The following FGL1 variants were observed in gnomAD, a reference collection of about 807,000 sequenced individuals.
FGL1 encodes fibrinogen-like protein 1.
In FGL1, 59 loss-of-function variants were observed where a neutral mutation model predicts 43.7. The observed-to-expected ratio is 1.35, with a 90% confidence interval of 1.10 to 1.68. FGL1 has a LOEUF of 1.68. Among genes scored for constraint, FGL1 ranks in the 40% most tolerant of loss-of-function variants. The pLI is 0.00. For synonymous variants in FGL1, 192 were observed against 126.5 expected (o/e 1.52, Z -3.48); for missense variants, 596 against 373.0 (o/e 1.60, Z -4.92).
At chr8:17,876,960 C>G (rs753704152) in intron 3 of FGL1, among the ~76,000 whole-genome samples, 1 of 152,162 alleles carries the variant, frequency 6.6e-6, no homozygotes, top group Non-Finnish European at 1.5e-5. Flanking sequence ...CTGAAATAAA[C>G]AGTAACACAA....
chr8:17,872,112 G>A (rs1438112487), intron 5 of FGL1, among the ~76,000 whole-genome samples: 1 of 151,988 alleles, frequency 6.6e-6, no homozygotes, highest in Admixed American at 6.6e-5. Context: ...TAAATTTAGA[G>A]AGCACTGATC....
intron 7 of FGL1, among the ~76,000 whole-genome samples, chr8:17,864,964 A>C (rs1272838947): frequency 6.6e-6 from 1 of 151,658 alleles, no homozygotes; most frequent in Non-Finnish European, 1.5e-5. Flanking sequence ...TTTTTTTTTA[A>C]TAATAGAGAC....
At chr8:17,887,607 C>T (rs1585149636) in intron 1 of FGL1, among the ~76,000 whole-genome samples, 3 of 151,976 alleles carry the variant, frequency 2.0e-5, no homozygotes, top group South Asian at 2.1e-4. Flanking sequence ...CCCAGCACTT[C>T]GAGAGGCCGA....
intron 3 of FGL1, among the ~76,000 whole-genome samples, 170 bp downstream of exon 3, chr8:17,881,829 G>A (rs35006555): frequency 0.011 from 1,446 of 125,746 alleles, 25 homozygotes; most frequent in African/African-American, 0.051. Flanking sequence ...GCAAGACTCC[G>A]CCTCAAAAAA....
intron 1 of FGL1, among the ~76,000 whole-genome samples, chr8:17,892,636 A>T (rs1202774263): frequency 6.6e-6 from 1 of 152,194 alleles, no homozygotes; most frequent in Admixed American, 6.5e-5. Flanking sequence ...TAGATTACTG[A>T]TTAGGATTTT....
intron 3 of FGL1, among the ~76,000 whole-genome samples, chr8:17,877,892 G>T (rs1272109735): frequency 6.6e-6 from 1 of 152,128 alleles, no homozygotes; most frequent in South Asian, 2.1e-4. Context: ...CTATAATAAT[G>T]TCCATAGATA....
chr8:17,881,921 C>A, intron 3 of FGL1, 78 bp downstream of exon 3: 2 of 1,202,386 alleles, frequency 1.7e-6, no homozygotes, highest in Non-Finnish European at 2.3e-6. Flanking sequence ...TAGGAAAAGC[C>A]TGAAATAACT....
intron 3 of FGL1, among the ~76,000 whole-genome samples, chr8:17,880,703 T>C (rs370238111): frequency 3.9e-5 from 6 of 152,214 alleles, no homozygotes; most frequent in African/African-American, 7.2e-5. Context: ...AGCATGGTAG[T>C]GCTAGAATAG....
At chr8:17,882,233 G>C in intron 2 of FGL1, 54 bp from the exon 3 acceptor site, 2 of 1,474,036 alleles carry the variant, frequency 1.4e-6, no homozygotes, top group East Asian at 2.4e-5. Context: ...TGGAAAACAA[G>C]TGCTTTTTAA....
intron 7 of FGL1, among the ~76,000 whole-genome samples, chr8:17,867,825 T>C (rs867330567): frequency 3.9e-5 from 6 of 152,306 alleles, no homozygotes; most frequent in African/African-American, 7.2e-5. Flanking sequence ...CGCCCAACAC[T>C]TTGGGAGGCC....
intron 2 of FGL1, among the ~76,000 whole-genome samples, chr8:17,884,825 T>C (rs2053603929): frequency 6.6e-6 from 1 of 152,274 alleles, no homozygotes; most frequent in East Asian, 1.9e-4. Flanking sequence ...AATGAATGTT[T>C]TGTCTTTTTT....
intron 3 of FGL1, among the ~76,000 whole-genome samples, chr8:17,876,112 A>G (rs1016775234): frequency 7.2e-5 from 11 of 152,210 alleles, no homozygotes; most frequent in Admixed American, 2.0e-4. Flanking sequence ...CAAACATTTG[A>G]ATAAAAATAC....
At position 17,874,602 on chromosome 8, in the gene FGL1, C is replaced by T. The variant is rs1164166568; in HGVS notation, c.245-81G>A. Reference sequence around the variant, plus strand: ...CTTAGGGAGCCTCTGAATGAGACTACTCAGTATCACTGGAGACAGATAACA... The same window carrying T: ...CTTAGGGAGCCTCTGAATGAGACTATTCAGTATCACTGGAGACAGATAACA... On this transcript the variant is annotated intron_variant, in intron 3 of 7. Coordinates refer to ENST00000427924, the MANE Select transcript of FGL1 (RefSeq NM_004467.4). 7 of 1,042,614 alleles carry T rather than the reference C, an allele frequency of 6.7e-6. No homozygotes were observed. In the East Asian group the frequency reaches 9.7e-5, roughly 14 times the overall value. The allele number at this position is 1,042,614 out of a possible 1,614,324, so 64.6% of individuals were successfully genotyped here. A position where few individuals can be genotyped will look rare whatever the true frequency, so the allele number is the denominator to read the frequency against.
intron 2 of FGL1, 48 bp downstream of exon 2, chr8:17,885,444 T>G (rs2073563): frequency 0.05 from 72,463 of 1,460,856 alleles, 4,176 homozygotes; most frequent in African/African-American, 0.26. Context: ...AAAATTCAGA[T>G]AAAAGCAGGC....
At chr8:17,876,414 A>C (rs1563453068) in intron 3 of FGL1, among the ~76,000 whole-genome samples, 1 of 152,108 alleles carries the variant, frequency 6.6e-6, no homozygotes, top group Non-Finnish European at 1.5e-5. Context: ...GTTGGGACCA[A>C]CCATATACTC....
At chr8:17,889,671 A>T (rs540421997) in intron 1 of FGL1, among the ~76,000 whole-genome samples, 2 of 152,230 alleles carry the variant, frequency 1.3e-5, no homozygotes, top group African/African-American at 2.4e-5. Context: ...CTCCAGGACC[A>T]TTCAGCCTCT....
chr8:17,893,296 T>C (rs992181158), intron 1 of FGL1, among the ~76,000 whole-genome samples: 1 of 152,022 alleles, frequency 6.6e-6, no homozygotes, highest in Admixed American at 6.6e-5. Context: ...CTTGCATAAA[T>C]GGAAGTATGT....
Position 17,886,781 on chromosome 8 carries a change from A to AGAGAGGAGAGGAGAG in FGL1, c.-17-1225_-17-1211dup, listed in dbSNP as rs61063668. ...TAGAAAGAAACGAAATGAGAGGAGA[A>AGAGAGGAGAGGAGAG]GAGAGGAGAGGAGAGGAGAGGAGAG... On this transcript the variant is annotated intron_variant, in intron 1 of 7. Transcript: ENST00000427924. 4.0e-5 allele frequency among the ~76,000 whole-genome samples: 6 copies of AGAGAGGAGAGGAGAG among 150,296 alleles called. No individual in the cohort carries two copies. In the East Asian group the frequency reaches 8.0e-4, roughly 20 times the overall value.
intron 3 of FGL1, among the ~76,000 whole-genome samples, chr8:17,875,381 G>A (rs374899806): frequency 6.6e-6 from 1 of 152,064 alleles, no homozygotes; most frequent in Non-Finnish European, 1.5e-5. Context: ...AAAACTGCAA[G>A]CTTCTGCTAT....
Sources: allele counts gnomAD v4.1 joint callset (sites outside exome capture counted in the v4.1 genomes callset), GRCh38; gene constraint gnomAD v4.1.1; transcripts MANE v1.5; gene names NCBI Gene and HGNC (gene_info 2026-07-23, HGNC 2026-07-21).